Variants in FER observed in about 807,000 individuals in gnomAD.
FER encodes the protein FER tyrosine kinase.
A neutral mutation model predicts 111.0 loss-of-function variants in FER; 63 were observed. That is an observed-to-expected ratio of 0.57 (90% CI 0.46 to 0.70). The LOEUF (loss-of-function observed/expected upper bound fraction) is 0.70. Ranked by LOEUF, FER falls within the 30% of genes least tolerant of loss-of-function variation. The probability of loss-of-function intolerance (pLI) is 0.00; values close to 1 mark genes in which losing one functional copy is unlikely to be tolerated. For synonymous variants in FER, 327 were observed against 313.9 expected, an observed-to-expected ratio of 1.04 and a Z score of -0.44; for missense variants, 914 against 954.0, an observed-to-expected ratio of 0.96 and a Z score of 0.55.
At position 108,991,920 on chromosome 5, in the gene FER, G is replaced by A. The variant is rs186622925; in HGVS notation, c.1656+32573G>A. Among the ~76,000 whole-genome samples, 468 of 149,324 alleles carry A rather than the reference G, an allele frequency of 3.1e-3. 2 individuals carry two copies. The highest frequency in any genetic ancestry group is 0.011 in the African/African-American group (440 of 40,404). On this transcript the variant is annotated intron_variant, in intron 13 of 19. Coordinates refer to ENST00000281092, the MANE Select transcript of FER (RefSeq NM_005246.4). ...TATTGATCATTCTTGGGTGTTTCTC[G>A]CAGAGGGGGATTTGGCAGGGTCATA...
chr5:108,868,102 T>G, intron 6 of FER, 152 bp downstream of exon 6: 1 of 706,832 alleles, frequency 1.4e-6, no homozygotes, highest in Non-Finnish European at 2.2e-6. Flanking sequence ...TCACTTTTCA[T>G]GTCCCTTCAG....
At chr5:109,052,599 G>A in intron 16 of FER, 1 of 581,930 alleles carries the variant, frequency 1.7e-6, no homozygotes, top group Non-Finnish European at 3.1e-6. Flanking sequence ...GCTGCTGTTT[G>A]TTACTTTCCT....
intron 16 of FER, among the ~76,000 whole-genome samples, chr5:109,073,495 C>T (rs575096733): frequency 5.3e-5 from 8 of 152,144 alleles, no homozygotes; most frequent in South Asian, 2.1e-4. Context: ...GCTAAGGGGC[C>T]GGTATCTGCA....
At chr5:108,793,172 C>T (rs1385640547) in intron 2 of FER, among the ~76,000 whole-genome samples, 2 of 152,252 alleles carry the variant, frequency 1.3e-5, no homozygotes, top group Non-Finnish European at 2.9e-5. Context: ...TTCCCACTAC[C>T]CTTTATAACC....
At chr5:109,030,909 G>A (rs763791575) in intron 13 of FER, among the ~76,000 whole-genome samples, 16 of 152,084 alleles carry the variant, frequency 1.1e-4, no homozygotes, top group Non-Finnish European at 1.5e-4. Context: ...TCTCAGTTGG[G>A]AAGTGAGATA....
chr5:109,101,460 A>G (rs1748226471), intron 17 of FER, among the ~76,000 whole-genome samples: 1 of 152,058 alleles, frequency 6.6e-6, no homozygotes, highest in Non-Finnish European at 1.5e-5. Context: ...CAAAGTTACC[A>G]TCACCTTAAC....
At chr5:108,845,140 C>A (rs942697570) in intron 5 of FER, among the ~76,000 whole-genome samples, 1 of 141,404 alleles carries the variant, frequency 7.1e-6, no homozygotes, top group African/African-American at 2.6e-5. Context: ...ACTTACTGAA[C>A]TTGTTTATTA....
intron 13 of FER, among the ~76,000 whole-genome samples, chr5:108,982,095 T>C (rs1762072118): frequency 6.6e-6 from 1 of 152,032 alleles, no homozygotes; most frequent in Admixed American, 6.6e-5. Context: ...CCTGGGAACT[T>C]GTTAGAAATG....
At chr5:108,822,794 T>TTATGTTATGTTATGTTATGTTATGTTATG (rs1561470308) in intron 3 of FER, among the ~76,000 whole-genome samples, 152 of 151,740 alleles carry the variant, frequency 1.0e-3, no homozygotes, top group African/African-American at 3.2e-3. Flanking sequence ...TTTATGTTAT[T>TTATGTTATGTTATGTTATGTTATGTTATG]TTATGTTATT....
At chr5:108,768,775 G>T (rs1056168920) in intron 2 of FER, among the ~76,000 whole-genome samples, 3 of 152,074 alleles carry the variant, frequency 2.0e-5, no homozygotes, top group Non-Finnish European at 4.4e-5. Context: ...TATATTCTGG[G>T]GGAGGGGATA....
chr5:109,147,417 CTGTTTTA>C (rs1365011230), intron 17 of FER, among the ~76,000 whole-genome samples: 22 of 151,962 alleles, frequency 1.4e-4, no homozygotes, highest in African/African-American at 5.3e-4. Context: ...TTTATCCCAG[CTGTTTTA>C]TGTCTAGGAA....
At chr5:108,926,810 T>C (rs1198003860) in intron 10 of FER, among the ~76,000 whole-genome samples, 1 of 152,240 alleles carries the variant, frequency 6.6e-6, no homozygotes, top group Non-Finnish European at 1.5e-5. Context: ...CTGTGTTTTA[T>C]ACAGATGTTC....
chr5:109,057,543 C>A (rs1773805133), intron 16 of FER, among the ~76,000 whole-genome samples: 2 of 152,094 alleles, frequency 1.3e-5, no homozygotes, highest in South Asian at 4.1e-4. Context: ...TGCTGGAATA[C>A]AGTAGTGTGA....
At chr5:108,923,810 A>G (rs1315039712) in intron 10 of FER, among the ~76,000 whole-genome samples, 1 of 152,162 alleles carries the variant, frequency 6.6e-6, no homozygotes. Flanking sequence ...GATCATTTAC[A>G]CATAATTTAT....
chr5:108,962,242 T>A (rs1268920212), intron 13 of FER, among the ~76,000 whole-genome samples: 1 of 152,192 alleles, frequency 6.6e-6, no homozygotes, highest in African/African-American at 2.4e-5. Flanking sequence ...TGTAAACATA[T>A]GGAAGATGGA....
intron 17 of FER, among the ~76,000 whole-genome samples, chr5:109,155,812 T>A (rs1047654283): frequency 5.9e-5 from 9 of 151,946 alleles, no homozygotes; most frequent in South Asian, 2.1e-4. Flanking sequence ...CATTTCTTTC[T>A]CTTCATTTCC....
At chr5:108,795,787 C>G (rs1755954655) in intron 2 of FER, among the ~76,000 whole-genome samples, 1 of 152,060 alleles carries the variant, frequency 6.6e-6, no homozygotes, top group African/African-American at 2.4e-5. Context: ...TCTTGAATTT[C>G]TTTGAGTTAA....
At chr5:108,825,439 GCC>G (rs1350468871) in intron 3 of FER, among the ~76,000 whole-genome samples, 1 of 152,210 alleles carries the variant, frequency 6.6e-6, no homozygotes, top group African/African-American at 2.4e-5. Context: ...GCTCTGTTCT[GCC>G]CAGCTCACCG....
intron 13 of FER, among the ~76,000 whole-genome samples, chr5:108,997,835 G>A (rs1287930673): frequency 6.6e-6 from 1 of 152,132 alleles, no homozygotes; most frequent in Non-Finnish European, 1.5e-5. Context: ...TGCCCAGAGA[G>A]GAGGAATCTA....
Sources: gnomAD v4.1 joint callset for allele counts (sites outside exome capture counted in the v4.1 genomes callset) on GRCh38, gnomAD v4.1.1 for gene constraint, MANE v1.5 for transcripts, NCBI Gene and HGNC (gene_info 2026-07-23, HGNC 2026-07-21) for gene names.